The following ANKH variants were observed in gnomAD, a reference collection of about 807,000 sequenced individuals.
The protein encoded by ANKH is ANKH inorganic pyrophosphate transport regulator, also known as mineralization regulator ANKH.
Under a neutral mutation model 49.0 loss-of-function variants are expected in ANKH, and 15 were observed. The observed-to-expected ratio is 0.31, with a 90% CI of 0.20 to 0.47. ANKH has a LOEUF of 0.47. Among genes scored for constraint, ANKH ranks in the 20% least tolerant of loss-of-function variants. The probability of loss-of-function intolerance (pLI) is 1.00; values close to 1 mark genes in which losing one functional copy is unlikely to be tolerated. For synonymous variants in ANKH, 273 were observed against 260.0 expected (o/e 1.05, Z -0.48); for missense variants, 429 against 652.0 (o/e 0.66, Z 3.72).
At chr5:14,753,653 A>G (rs901340266) in intron 4 of ANKH, among the ~76,000 whole-genome samples, 2 of 152,192 alleles carry the variant, frequency 1.3e-5, no homozygotes, top group African/African-American at 4.8e-5. Context: ...AAACAGCAAT[A>G]TGTTTCCACG....
At chr5:14,858,803 T>C (rs965288369) in intron 1 of ANKH, among the ~76,000 whole-genome samples, 1 of 151,230 alleles carries the variant, frequency 6.6e-6, no homozygotes, top group Non-Finnish European at 1.5e-5. Context: ...AAGAAGATTA[T>C]GCACTAAAAT....
intron 8 of ANKH, 134 bp downstream of exon 8, chr5:14,741,693 G>A (rs1738361416): frequency 5.6e-6 from 4 of 717,008 alleles, no homozygotes; most frequent in Non-Finnish European, 7.4e-6. Flanking sequence ...AGAAGAAAGT[G>A]TATTGAAGAG....
intron 1 of ANKH, among the ~76,000 whole-genome samples, chr5:14,863,387 A>C (rs1418967646): frequency 1.3e-5 from 2 of 152,122 alleles, no homozygotes; most frequent in African/African-American, 4.8e-5. Context: ...ATGGACATTC[A>C]CAGCCTCCAA....
intron 1 of ANKH, among the ~76,000 whole-genome samples, chr5:14,806,445 G>A (rs115700180): frequency 6.6e-6 from 1 of 151,940 alleles, no homozygotes; most frequent in East Asian, 1.9e-4. Flanking sequence ...AATTATCTTG[G>A]AGTCCAACAG....
chr5:14,780,379 C>T (rs1739769876), intron 1 of ANKH, among the ~76,000 whole-genome samples: 1 of 152,176 alleles, frequency 6.6e-6, no homozygotes, highest in African/African-American at 2.4e-5. Flanking sequence ...CTCATCTCTA[C>T]TAAAAATACA....
chr5:14,823,412 T>C (rs1389400777), intron 1 of ANKH, among the ~76,000 whole-genome samples: 1 of 152,220 alleles, frequency 6.6e-6, no homozygotes, highest in Non-Finnish European at 1.5e-5. Flanking sequence ...ATCCTGTTTA[T>C]AAAATGAACA....
chr5:14,763,724 C>T (rs1739160972), intron 2 of ANKH, among the ~76,000 whole-genome samples: 1 of 152,192 alleles, frequency 6.6e-6, no homozygotes, highest in African/African-American at 2.4e-5. Context: ...ATTTCTTATT[C>T]ATGTTTGAAT....
intron 1 of ANKH, among the ~76,000 whole-genome samples, chr5:14,780,779 C>T (rs766452085): frequency 2.6e-5 from 4 of 152,182 alleles, no homozygotes; most frequent in Non-Finnish European, 4.4e-5. Flanking sequence ...TATTTTGTCT[C>T]GTTCAGAACC....
intron 1 of ANKH, among the ~76,000 whole-genome samples, chr5:14,771,940 AAAAAAAAC>A (rs1739453106): frequency 6.7e-6 from 1 of 149,474 alleles, no homozygotes; most frequent in Non-Finnish European, 1.5e-5. Context: ...AAAAAAAAAA[AAAAAAAAC>A]CAAAACAAAA....
chr5:14,830,987 T>C (rs1741489321), intron 1 of ANKH, among the ~76,000 whole-genome samples: 1 of 152,184 alleles, frequency 6.6e-6, no homozygotes, highest in South Asian at 2.1e-4. Flanking sequence ...TCAGTATGCC[T>C]TCATAGAAAG....
At chr5:14,826,983 A>C (rs1230290967) in intron 1 of ANKH, among the ~76,000 whole-genome samples, 2 of 152,108 alleles carry the variant, frequency 1.3e-5, no homozygotes, top group Non-Finnish European at 2.9e-5. Flanking sequence ...GGTCTCCAAA[A>C]ACTCCTGACC....
rs915697427 is a variant in ANKH at position 14,707,819 on chromosome 5, A to G, written c.*3378T>C. 6.6e-6 allele frequency: 1 copy of G among 152,226 alleles called. No individual in the cohort carries two copies. Among genetic ancestry groups the G allele is most frequent in the African/African-American group, 2.4e-5 (1 of 41,448 alleles). 9.4% of individuals were successfully genotyped at this position (152,226 alleles called of 1,614,324 possible). ...GCTATCCAGGACATTTCCAAGCCAA[A>G]CTACCAGCTAATGCTAAAAATCAAG... On this transcript the variant is annotated 3_prime_UTR_variant, in exon 12 of 12. Coordinates refer to ENST00000284268, the MANE Select transcript of ANKH (RefSeq NM_054027.6).
At chr5:14,831,091 T>C (rs910272827) in intron 1 of ANKH, among the ~76,000 whole-genome samples, 1 of 152,212 alleles carries the variant, frequency 6.6e-6, no homozygotes, top group African/African-American at 2.4e-5. Context: ...AGGACAAGGA[T>C]AGTTCCTGCT....
chr5:14,725,087 C>T lies in ANKH; in HGVS notation c.1012-8252G>A, dbSNP rs1367106792. Among the ~76,000 whole-genome samples, 3 of 152,162 alleles carry T rather than the reference C, an allele frequency of 2.0e-5. No homozygotes were observed. Among genetic ancestry groups the T allele is most frequent in the Admixed American group, 6.5e-5 (1 of 15,280 alleles). ...TTTTTAATTGGGTTGAAGTCCCCACCGGGCAAGCCAGTGGTTAGCCCTCGG... is the reference window on the plus strand; with the variant it reads ...TTTTTAATTGGGTTGAAGTCCCCACTGGGCAAGCCAGTGGTTAGCCCTCGG... On this transcript the variant is annotated intron_variant, in intron 8 of 11. Transcript: ENST00000284268. The surrounding 1 kb of genome is among the most constrained non-coding windows in gnomAD (Gnocchi z 4.0).
At chr5:14,837,043 T>C (rs1358678466) in intron 1 of ANKH, among the ~76,000 whole-genome samples, 1 of 152,136 alleles carries the variant, frequency 6.6e-6, no homozygotes, top group Non-Finnish European at 1.5e-5. Flanking sequence ...TAATAAATGG[T>C]GCTGGGAAAA....
intron 9 of ANKH, among the ~76,000 whole-genome samples, chr5:14,714,272 G>A (rs761414982): frequency 5.3e-5 from 8 of 152,342 alleles, no homozygotes; most frequent in Non-Finnish European, 1.2e-4. Flanking sequence ...AGGGCTGCAT[G>A]GCCTGCCCAT....
chr5:14,846,120 G>A (rs1332457833), intron 1 of ANKH, among the ~76,000 whole-genome samples: 1 of 152,012 alleles, frequency 6.6e-6, no homozygotes, highest in Non-Finnish European at 1.5e-5. Context: ...GCCTCCCAAA[G>A]TGCTGGGATT....
At chr5:14,763,894 G>A (rs1042615491) in intron 2 of ANKH, among the ~76,000 whole-genome samples, 10 of 152,056 alleles carry the variant, frequency 6.6e-5, no homozygotes, top group Non-Finnish European at 7.4e-5. Context: ...TTCGAGACCA[G>A]CCTGGCCAAC....
intron 1 of ANKH, among the ~76,000 whole-genome samples, chr5:14,796,823 T>TG (rs1364086117): frequency 6.6e-6 from 1 of 152,154 alleles, no homozygotes; most frequent in African/African-American, 2.4e-5. Flanking sequence ...CCAAAAAACT[T>TG]GGGGATATAG....
Sources: allele counts gnomAD v4.1 joint callset (sites outside exome capture counted in the v4.1 genomes callset), GRCh38; gene constraint gnomAD v4.1.1; non-coding constraint Gnocchi (gnomAD v3.1); transcripts MANE v1.5; gene names NCBI Gene and HGNC (gene_info 2026-07-23, HGNC 2026-07-21).